EEF2K: variants seen among roughly 807,000 people sequenced by gnomAD.
EEF2K encodes alternative protein EEF2K.
Under a neutral mutation model 93.8 loss-of-function variants are expected in EEF2K, and 70 were observed. That is an observed-to-expected ratio of 0.75 (90% confidence interval 0.62 to 0.91). EEF2K has a LOEUF of 0.91. Among genes scored for constraint, EEF2K ranks in the 40% least tolerant of loss-of-function variants. The pLI, the probability that EEF2K is intolerant of heterozygous loss-of-function variation, is 0.00. For synonymous variants in EEF2K, 376 were observed against 380.8 expected (o/e 0.99, Z 0.15); for missense variants, 935 against 972.9 (o/e 0.96, Z 0.52).
intron 1 of EEF2K, among the ~76,000 whole-genome samples, chr16:22,224,402 A>G (rs1341948589): frequency 6.6e-6 from 1 of 152,156 alleles, no homozygotes; most frequent in Non-Finnish European, 1.5e-5. Context: ...AGGCCAAGGC[A>G]GGAGGATCAC....
At chr16:22,220,743 C>T (rs1234707916) in intron 1 of EEF2K, among the ~76,000 whole-genome samples, 2 of 151,298 alleles carry the variant, frequency 1.3e-5, no homozygotes, top group African/African-American at 4.9e-5. Context: ...TCACGCCTGG[C>T]CCTGGATCTG....
chr16:22,241,837 A>T (rs975515958), intron 2 of EEF2K, among the ~76,000 whole-genome samples: 3 of 152,012 alleles, frequency 2.0e-5, no homozygotes, highest in African/African-American at 4.8e-5. Context: ...GAGGTAAAAA[A>T]GCCCCAGCAG....
At chr16:22,257,471 C>A in intron 8 of EEF2K, 86 bp downstream of exon 8, 1 of 1,570,290 alleles carries the variant, frequency 6.4e-7, no homozygotes, top group South Asian at 1.2e-5. Context: ...AGGAAACAGG[C>A]TGAGACACTG....
At chr16:22,277,235 C>T (rs1027364686) in intron 16 of EEF2K, among the ~76,000 whole-genome samples, 1 of 152,160 alleles carries the variant, frequency 6.6e-6, no homozygotes, top group Non-Finnish European at 1.5e-5. Context: ...CTCTCAGGCT[C>T]AGGCTATCCT....
chr16:22,266,251 T>C (rs2047516609), intron 13 of EEF2K, 139 bp from the exon 14 acceptor site: 2 of 1,319,918 alleles, frequency 1.5e-6, no homozygotes, highest in Non-Finnish European at 2.0e-6. Context: ...AGCCATGTTT[T>C]GCCAATAAAC....
intron 1 of EEF2K, among the ~76,000 whole-genome samples, chr16:22,220,144 T>C (rs1040562703): frequency 1.3e-5 from 2 of 152,228 alleles, no homozygotes; most frequent in African/African-American, 4.8e-5. Flanking sequence ...TATTGGGGGA[T>C]AGTTTGCCAC....
intron 1 of EEF2K, among the ~76,000 whole-genome samples, chr16:22,216,244 C>G (rs1194067584): frequency 3.9e-5 from 6 of 152,198 alleles, no homozygotes; most frequent in African/African-American, 1.2e-4. Context: ...AGGTGCAGCC[C>G]TCAACAGCCT....
intron 3 of EEF2K, among the ~76,000 whole-genome samples, chr16:22,245,609 G>A (rs772828073): frequency 6.6e-6 from 1 of 152,198 alleles, no homozygotes; most frequent in Admixed American, 6.6e-5. Flanking sequence ...ACCTCAGCCC[G>A]GAGGGAGGTT....
intron 16 of EEF2K, among the ~76,000 whole-genome samples, chr16:22,279,649 T>C (rs977361660): frequency 1.3e-5 from 2 of 152,190 alleles, no homozygotes; most frequent in Non-Finnish European, 2.9e-5. Flanking sequence ...TGTTTTTGTT[T>C]TTTTGTAGAG....
In EEF2K at chr16:22,257,307, A is replaced by G. The variant is rs1363395639; in HGVS notation, c.823A>G (p.Ile275Val). 3.7e-6 allele frequency: 6 copies of G among 1,614,040 alleles called. No homozygotes were observed. The highest frequency in any genetic ancestry group is 3.3e-4 in the Middle Eastern group (2 of 6,062). The change falls in exon 8 of 18, where the codon ATC becomes GTC. Residue 275 changes from isoleucine to valine, a missense_variant. Physicochemically the swap from Ile to Val is conservative, Grantham distance 29. Transcript: ENST00000263026. ...CGGCCATCAGCTGATAGTGGTGGAC[A>G]TCCAGGGAGTTGGGGATCTCTACAC... The part of the protein sequence containing the change: ...RSGHQLIVVD[I>V]QGVGDLYTDP...
chr16:22,240,393 C>T (rs1458960168), intron 2 of EEF2K, among the ~76,000 whole-genome samples: 2 of 152,096 alleles, frequency 1.3e-5, no homozygotes, highest in Non-Finnish European at 2.9e-5. Context: ...TGGAGTATAA[C>T]TTGGGATAAA....
chr16:22,272,463 A>G (rs1268112530), intron 15 of EEF2K, among the ~76,000 whole-genome samples: 1 of 152,222 alleles, frequency 6.6e-6, no homozygotes, highest in Non-Finnish European at 1.5e-5. Flanking sequence ...TTATTATGAA[A>G]TGTCCAGATC....
At chr16:22,274,720 G>A (rs948662635) in intron 16 of EEF2K, among the ~76,000 whole-genome samples, 6 of 151,772 alleles carry the variant, frequency 4.0e-5, no homozygotes, top group East Asian at 1.9e-4. Context: ...CAGTCCTCCC[G>A]CCTCAGCCTC....
At chr16:22,257,184 G>A (rs2047410091) in intron 7 of EEF2K, 69 bp from the exon 8 acceptor site, 2 of 1,607,644 alleles carry the variant, frequency 1.2e-6, no homozygotes, top group South Asian at 2.2e-5. Flanking sequence ...ATGGGCAGAG[G>A]CGTGGCCAGT....
At chr16:22,280,766 G>A (rs1343862548) in intron 17 of EEF2K, among the ~76,000 whole-genome samples, 2 of 151,088 alleles carry the variant, frequency 1.3e-5, no homozygotes, top group African/African-American at 4.9e-5. Flanking sequence ...CCGAGTTCCA[G>A]CGATTCTCCT....
intron 1 of EEF2K, among the ~76,000 whole-genome samples, chr16:22,207,293 C>T (rs1178845114): frequency 6.6e-6 from 1 of 152,194 alleles, no homozygotes; most frequent in Non-Finnish European, 1.5e-5. Context: ...ACCAGCCCAG[C>T]TGCGCCCTGA....
chr16:22,244,402 G>A lies in EEF2K; in HGVS notation c.247-228G>A, dbSNP rs1054928178. ...TCATTCTCAACTCTTTGATCCAAGC[G>A]TTGTGTAGTTAAGATGTGCCATTTC... On this transcript the variant is annotated intron_variant, in intron 2 of 17. Coordinates refer to ENST00000263026, the MANE Select transcript of EEF2K (RefSeq NM_013302.5). Among the ~76,000 whole-genome samples the A allele has an allele frequency of 1.5e-4, 23 of 151,660 alleles. 1 individual carries two copies. The highest frequency in any genetic ancestry group is 4.8e-4 in the African/African-American group (20 of 41,266).
intron 2 of EEF2K, among the ~76,000 whole-genome samples, chr16:22,237,711 T>A (rs1029030689): frequency 6.6e-6 from 1 of 152,198 alleles, no homozygotes; most frequent in African/African-American, 2.4e-5. Context: ...ACATTCTCAT[T>A]GTAAAAAGAA....
In EEF2K at chr16:22,226,517, C is replaced by CTTTTTTTTTTTTTTTTTTTTTTTTTTTTT. The variant is rs553013823; in HGVS notation, c.246+557_246+558insTTTTTTTTTTTTTTTTTTTTTTTTTTTTT. Among the ~76,000 whole-genome samples the CTTTTTTTTTTTTTTTTTTTTTTTTTTTTT allele has an allele frequency of 3.8e-4, 41 of 106,870 alleles. 2 individuals carry two copies. Among genetic ancestry groups the CTTTTTTTTTTTTTTTTTTTTTTTTTTTTT allele is most frequent in the African/African-American group, 1.7e-3 (40 of 23,646 alleles). 70.1% of individuals were successfully genotyped at this position (106,870 alleles called of 152,430 possible). ...CTTTTTCTTTCTTTTCCTTCTTCTT[C>CTTTTTTTTTTTTTTTTTTTTTTTTTTTTT]TTTTTTTTTTTTTTTATAAACGTGG... is the stretch of plus-strand genomic sequence containing the variant. On this transcript the variant is annotated intron_variant, in intron 2 of 17. Transcript: ENST00000263026.
Sources: allele counts gnomAD v4.1 joint callset (sites outside exome capture counted in the v4.1 genomes callset), GRCh38; gene constraint gnomAD v4.1.1; transcripts MANE v1.5; gene names NCBI Gene and HGNC (gene_info 2026-07-23, HGNC 2026-07-21).